Variants in GRIK4 observed in about 807,000 individuals in gnomAD.
GRIK4 encodes the protein glutamate ionotropic receptor kainate type subunit 4.
GRIK4 carries 40 observed loss-of-function variants against 104.9 expected under a neutral mutation model. The ratio of observed to expected loss-of-function variants is 0.38; its 90% CI spans 0.30 to 0.50. The LOEUF (loss-of-function observed/expected upper bound fraction) is 0.50, where lower values mean the gene tolerates loss of function less well. Among genes scored for constraint, GRIK4 ranks in the 20% least tolerant of loss-of-function variants. The pLI is 0.93. For missense variants in GRIK4, 1,047 were observed against 1,308.1 expected (o/e 0.80, Z 3.08); for synonymous variants, 485 against 524.9 (o/e 0.92, Z 1.04).
intron 3 of GRIK4, among the ~76,000 whole-genome samples, chr11:120,753,798 T>C (rs1951604222): frequency 6.6e-6 from 1 of 152,196 alleles, no homozygotes; most frequent in Admixed American, 6.5e-5. Context: ...TGTGCTGAGA[T>C]GAATTTACAT....
At chr11:120,815,156 C>T (rs1382459591) in intron 4 of GRIK4, among the ~76,000 whole-genome samples, 2 of 152,250 alleles carry the variant, frequency 1.3e-5, no homozygotes, top group South Asian at 4.1e-4. Flanking sequence ...GGGTCATTTC[C>T]TCATTTAATG....
chr11:120,748,618 T>C (rs972684421), intron 3 of GRIK4, among the ~76,000 whole-genome samples: 3 of 152,194 alleles, frequency 2.0e-5, no homozygotes, highest in Non-Finnish European at 2.9e-5. Flanking sequence ...TTTTGCTGAC[T>C]CTGGCATTTG....
chr11:120,892,502 G>A (rs1038077891), intron 11 of GRIK4, among the ~76,000 whole-genome samples: 1 of 152,090 alleles, frequency 6.6e-6, no homozygotes, highest in Admixed American at 6.5e-5. Flanking sequence ...GGTGAGGCTC[G>A]AGGAAATTAA....
chr11:120,774,712 C>T (rs748184217), intron 3 of GRIK4, among the ~76,000 whole-genome samples: 1 of 152,080 alleles, frequency 6.6e-6, no homozygotes, highest in Non-Finnish European at 1.5e-5. Context: ...TCTGCATTCT[C>T]TCTGTGAATA....
At chr11:120,569,134 C>T (rs1225204168) in intron 1 of GRIK4, among the ~76,000 whole-genome samples, 1 of 152,218 alleles carries the variant, frequency 6.6e-6, no homozygotes, top group Non-Finnish European at 1.5e-5. Context: ...GCACCAAGGT[C>T]TATGCCCGGG....
chr11:120,762,147 G>C (rs985040005), intron 3 of GRIK4, among the ~76,000 whole-genome samples: 12 of 152,072 alleles, frequency 7.9e-5, no homozygotes, highest in Non-Finnish European at 1.8e-4. Flanking sequence ...TCCTTGAAGA[G>C]GTCCTTCACA....
chr11:120,550,872 A>T (rs1413916345), intron 1 of GRIK4, among the ~76,000 whole-genome samples: 1 of 152,168 alleles, frequency 6.6e-6, no homozygotes, highest in East Asian at 1.9e-4. Flanking sequence ...TACTGTGCAC[A>T]GGAGCAGGTG....
intron 6 of GRIK4, among the ~76,000 whole-genome samples, chr11:120,821,448 G>T (rs1953124895): frequency 2.0e-5 from 3 of 152,234 alleles, no homozygotes. Flanking sequence ...TGGAAAGAGA[G>T]GCTGGGGAAG....
chr11:120,677,094 G>A (rs1950109785), intron 3 of GRIK4, among the ~76,000 whole-genome samples: 1 of 152,202 alleles, frequency 6.6e-6, no homozygotes, highest in Non-Finnish European at 1.5e-5. Flanking sequence ...GAGGGAACTG[G>A]ACATGTTGGC....
intron 3 of GRIK4, among the ~76,000 whole-genome samples, chr11:120,692,483 A>T (rs898191653): frequency 1.3e-5 from 2 of 152,110 alleles, no homozygotes; most frequent in African/African-American, 4.8e-5. Flanking sequence ...GCGGGGATAG[A>T]GATTTGCACT....
At chr11:120,619,093 C>A (rs988447285) in intron 1 of GRIK4, among the ~76,000 whole-genome samples, 1 of 152,200 alleles carries the variant, frequency 6.6e-6, no homozygotes, top group Non-Finnish European at 1.5e-5. Context: ...GGGGGCTGAA[C>A]CCTGCAGAGC....
chr11:120,901,967 G>C (rs770148410), intron 12 of GRIK4, among the ~76,000 whole-genome samples: 26 of 152,280 alleles, frequency 1.7e-4, no homozygotes, highest in Non-Finnish European at 3.4e-4. Context: ...TATTAGCCTT[G>C]GTTCTTTTCT....
At chr11:120,664,321 G>A (rs951116800) in intron 3 of GRIK4, among the ~76,000 whole-genome samples, 1 of 152,220 alleles carries the variant, frequency 6.6e-6, no homozygotes, top group Non-Finnish European at 1.5e-5. Context: ...AGCTTTGGCA[G>A]TAATAATAAA....
chr11:120,575,290 A>G (rs186501114), intron 1 of GRIK4, among the ~76,000 whole-genome samples: 2 of 152,142 alleles, frequency 1.3e-5, no homozygotes, highest in Admixed American at 1.3e-4. Context: ...TGGTGCTACT[A>G]TCTTTCCATT....
intron 8 of GRIK4, among the ~76,000 whole-genome samples, chr11:120,846,074 A>G (rs1319380785): frequency 7.2e-5 from 11 of 152,188 alleles, no homozygotes; most frequent in Non-Finnish European, 1.0e-4. Context: ...TTCTCTGCAC[A>G]TGGTTGTTGG....
chr11:120,591,737 A>T (rs1370447619), intron 1 of GRIK4, among the ~76,000 whole-genome samples: 2 of 152,174 alleles, frequency 1.3e-5, no homozygotes. Context: ...ATTGATGCTC[A>T]TAGACAAACA....
intron 3 of GRIK4, among the ~76,000 whole-genome samples, chr11:120,710,635 G>C (rs1448113332): frequency 6.6e-6 from 1 of 152,134 alleles, no homozygotes; most frequent in Non-Finnish European, 1.5e-5. Flanking sequence ...TTTCTGTGCA[G>C]GGGTCAAAGG....
intron 1 of GRIK4, among the ~76,000 whole-genome samples, chr11:120,566,379 CTGAG>C (rs1268810412): frequency 4.6e-5 from 7 of 152,200 alleles, no homozygotes; most frequent in Non-Finnish European, 8.8e-5. Flanking sequence ...TTCCTTCTGA[CTGAG>C]TAAGGTCTCA....
intron 11 of GRIK4, among the ~76,000 whole-genome samples, chr11:120,886,226 C>T (rs569405431): frequency 6.6e-6 from 1 of 152,352 alleles, no homozygotes; most frequent in Non-Finnish European, 1.5e-5. Flanking sequence ...AACAAGGCTG[C>T]ACCGTGTCTT....
Sources: gnomAD v4.1 joint callset for allele counts (sites outside exome capture counted in the v4.1 genomes callset) on GRCh38, gnomAD v4.1.1 for gene constraint, MANE v1.5 for transcripts, NCBI Gene and HGNC (gene_info 2026-07-23, HGNC 2026-07-21) for gene names.